The following TAF4 variants were observed in gnomAD, a reference collection of about 807,000 sequenced individuals.
The protein encoded by TAF4 is transcription initiation factor TFIID subunit 4.
TAF4 carries 9 observed loss-of-function variants against 90.3 expected under a neutral mutation model. The observed-to-expected ratio is 0.10, with a 90% CI of 0.06 to 0.17. TAF4 has a LOEUF of 0.17. Among genes scored for constraint, TAF4 ranks in the 10% least tolerant of loss-of-function variants. The pLI is 1.00. For synonymous variants in TAF4, 818 were observed against 638.9 expected (o/e 1.28, Z -4.23); for missense variants, 1,351 against 1,370.7 (o/e 0.99, Z 0.23).
intron 14 of TAF4, among the ~76,000 whole-genome samples, chr20:61,990,393 A>G (rs770532508): frequency 1.3e-5 from 2 of 152,234 alleles, no homozygotes; most frequent in Admixed American, 1.3e-4. Flanking sequence ...TGACAGGGGT[A>G]GCATAGTTTC....
At chr20:62,003,121 T>G in intron 9 of TAF4, 39 bp downstream of exon 9, 1 of 1,563,234 alleles carries the variant, frequency 6.4e-7, no homozygotes, top group East Asian at 2.2e-5. Flanking sequence ...TTCTCCGCTC[T>G]GGCCACGCTT....
intron 1 of TAF4, among the ~76,000 whole-genome samples, chr20:62,036,658 G>A (rs2055934278): frequency 6.6e-6 from 1 of 152,184 alleles, no homozygotes; most frequent in South Asian, 2.1e-4. Flanking sequence ...TTAAATCAGT[G>A]TAATTCACCA....
rs2056126070 is a variant in TAF4 at position 62,065,561 on chromosome 20, C to G, written c.250G>C (p.Gly84Arg). The G allele has an allele frequency of 1.0e-6, 1 of 976,790 alleles. No homozygotes were observed. The highest frequency in any genetic ancestry group is 4.6e-5 in the South Asian group (1 of 21,720). 60.5% of individuals were successfully genotyped at this position (976,790 alleles called of 1,614,324 possible). Residue 84 changes from glycine to arginine, a missense_variant, in exon 1 of 15, where the codon GGA becomes CGA. This residue lies in a region of TAF4 where 782 missense variants were observed against 536.6 expected (regional missense o/e 1.46). Coordinates refer to ENST00000252996, the MANE Select transcript of TAF4 (RefSeq NM_003185.4). The part of the protein sequence containing the change: ...GPAAPAEGAP[G>R]AAPEPPPAGR... Reference sequence around the variant, plus strand: ...GCGGGGGGCGGCTCCGGCGCCGCTCCGGGCGCGCCCTCGGCGGGGGCGGCC... The same window carrying G: ...GCGGGGGGCGGCTCCGGCGCCGCTCGGGGCGCGCCCTCGGCGGGGGCGGCC...
At chr20:61,993,998 G>A (rs147126832) in intron 14 of TAF4, among the ~76,000 whole-genome samples, 247 of 151,916 alleles carry the variant, frequency 1.6e-3, no homozygotes, top group Non-Finnish European at 2.9e-3. Flanking sequence ...TGATCCACCC[G>A]CCTCGGCCTC....
At chr20:62,064,202 G>A (rs2056107134) in intron 1 of TAF4, 5 of 403,062 alleles carry the variant, frequency 1.2e-5, no homozygotes, top group East Asian at 3.7e-5. Flanking sequence ...ACCAGCCCCA[G>A]GCACAGGCAG....
intron 1 of TAF4, among the ~76,000 whole-genome samples, chr20:62,024,335 G>A (rs947552480): frequency 6.6e-6 from 1 of 152,168 alleles, no homozygotes; most frequent in African/African-American, 2.4e-5. Flanking sequence ...GAAGAAAACA[G>A]GAGAACATTT....
At chr20:62,037,750 C>T (rs2055941115) in intron 1 of TAF4, 3 of 211,862 alleles carry the variant, frequency 1.4e-5, no homozygotes, top group Admixed American at 8.9e-5. Context: ...CCTAGGTACA[C>T]CTGCCAGCTC....
rs2056122555 is a variant in TAF4 at position 62,065,281 on chromosome 20, C to T, written c.530G>A (p.Gly177Asp). 2 of 908,084 alleles carry T rather than the reference C, an allele frequency of 2.2e-6. No individual in the cohort carries two copies. Among genetic ancestry groups the T allele is most frequent in the South Asian group, 5.0e-5 (1 of 19,980 alleles). 56.3% of individuals were successfully genotyped at this position (908,084 alleles called of 1,614,324 possible). ...AARAGPGPGP[G>D]PGPGPGPGPG... ...GCCAGGGCCGGGGCCGGGGCCGGGG[C>T]CGGGCCCGGGGCCGGGGCCGGCGCG... Residue 177 changes from glycine to aspartate, a missense_variant, in exon 1 of 15, where the codon GGC becomes GAC. By Grantham distance (94) the Gly-to-Asp change is moderately conservative. Transcript: ENST00000252996.
chr20:62,034,401 G>A (rs1002083037), intron 1 of TAF4, among the ~76,000 whole-genome samples: 11 of 152,146 alleles, frequency 7.2e-5, no homozygotes, highest in African/African-American at 2.7e-4. Context: ...ATAGCTCACT[G>A]TAGCCTCAAA....
intron 14 of TAF4, chr20:61,980,059 C>G (rs1176808975): frequency 1.3e-5 from 2 of 152,430 alleles, no homozygotes; most frequent in African/African-American, 2.4e-5. Context: ...GATTAGAAAA[C>G]AAGCAAGCGA....
chr20:62,063,898 A>C (rs2056104820), intron 1 of TAF4, among the ~76,000 whole-genome samples: 1 of 152,208 alleles, frequency 6.6e-6, no homozygotes, highest in African/African-American at 2.4e-5. Context: ...CCCGAGCCTC[A>C]AGGAGGGGGC....
chr20:61,998,072 CTCCCGTGGGGCGCT>C, intron 13 of TAF4, 50 bp downstream of exon 13: 8 of 1,514,218 alleles, frequency 5.3e-6, no homozygotes, highest in Non-Finnish European at 7.2e-6. Flanking sequence ...CTTAGCCCCC[CTCCCGTGGGGCGCT>C]ACAGTGCACA....
At chr20:62,059,625 T>C (rs2056078746) in intron 1 of TAF4, among the ~76,000 whole-genome samples, 1 of 152,174 alleles carries the variant, frequency 6.6e-6, no homozygotes, top group Non-Finnish European at 1.5e-5. Flanking sequence ...ATTTAACTGC[T>C]TTATTGCTAT....
chr20:62,029,892 A>G (rs553631674), intron 1 of TAF4, among the ~76,000 whole-genome samples: 3 of 152,144 alleles, frequency 2.0e-5, no homozygotes, highest in Non-Finnish European at 4.4e-5. Flanking sequence ...GTGACACGGC[A>G]AGACTCCGTC....
rs903855586 is a variant in TAF4, at chr20:62,006,399, G to A, written c.2223+111C>T. 2 of 1,265,800 alleles carry A rather than the reference G, an allele frequency of 1.6e-6. No homozygotes were observed. The highest frequency in any genetic ancestry group is 3.0e-4 in the Middle Eastern group (1 of 3,354). 78.4% of individuals were successfully genotyped at this position (1,265,800 alleles called of 1,614,324 possible). ...ATACCCAAGCTTCCTCTAGCAGGAG[G>A]CTTCCTGCATGCTTGGAAAAGGTTT... On this transcript the variant is annotated intron_variant, in intron 7 of 14. Transcript: ENST00000252996. The surrounding 1 kb of genome is among the most constrained non-coding windows in gnomAD (Gnocchi z 7.0).
At chr20:62,013,939 G>C (rs952107624) in intron 2 of TAF4, among the ~76,000 whole-genome samples, 3 of 147,864 alleles carry the variant, frequency 2.0e-5, no homozygotes, top group Non-Finnish European at 4.5e-5. Flanking sequence ...GTGTGTGTGT[G>C]TGTGTGTGTG....
chr20:61,976,778 T>G (rs1442898937), intron 14 of TAF4, among the ~76,000 whole-genome samples: 1 of 152,164 alleles, frequency 6.6e-6, no homozygotes, highest in Non-Finnish European at 1.5e-5. Context: ...CTGGGAGGCC[T>G]GGGGTTGGCT....
intron 1 of TAF4, among the ~76,000 whole-genome samples, chr20:62,059,110 G>A (rs2056076146): frequency 6.6e-6 from 1 of 152,208 alleles, no homozygotes; most frequent in Non-Finnish European, 1.5e-5. Context: ...GACAACTTCT[G>A]CTCCACAACA....
At position 61,974,974 on chromosome 20, in the gene TAF4, G is replaced by T. The variant is rs966110864; in HGVS notation, c.*1194C>A. On this transcript the variant is annotated 3_prime_UTR_variant, in exon 15 of 15. Transcript: ENST00000252996. The surrounding 1 kb of genome is among the most constrained non-coding windows in gnomAD (Gnocchi z 4.1). ...TTTCCTAAAAGACAAAATAAAAGGT[G>T]TAACAGTTCTCAGGTGTTGATAAAA... is the stretch of plus-strand genomic sequence containing the variant. The T allele has an allele frequency of 6.6e-6, 1 of 152,398 alleles. No individual in the cohort carries two copies. The highest frequency in any genetic ancestry group is 1.5e-5 in the Non-Finnish European group (1 of 68,030). 9.4% of individuals were successfully genotyped at this position (152,398 alleles called of 1,614,324 possible). A position where few individuals can be genotyped will look rare whatever the true frequency, so the allele number is the denominator to read the frequency against.
Sources: allele counts gnomAD v4.1 joint callset (sites outside exome capture counted in the v4.1 genomes callset), GRCh38; gene constraint gnomAD v4.1.1; regional missense constraint gnomAD v4.1.1; non-coding constraint Gnocchi (gnomAD v3.1); transcripts MANE v1.5; gene names NCBI Gene and HGNC (gene_info 2026-07-23, HGNC 2026-07-21).